IL1RAPL1: variants seen among roughly 807,000 people sequenced by gnomAD.
The protein encoded by IL1RAPL1 is interleukin-1 receptor accessory protein-like 1.
A neutral mutation model predicts 48.4 loss-of-function variants in IL1RAPL1; 3 were observed. The ratio of observed to expected loss-of-function variants is 0.06; its 90% CI spans 0.03 to 0.16. The LOEUF (loss-of-function observed/expected upper bound fraction) is 0.16, where lower values mean the gene tolerates loss of function less well. IL1RAPL1 is among the 10% of genes least tolerant of loss of function. The probability of loss-of-function intolerance (pLI) is 1.00; values close to 1 mark genes in which losing one functional copy is unlikely to be tolerated. For synonymous variants in IL1RAPL1, 185 were observed against 187.7 expected, an observed-to-expected ratio of 0.99 and a Z score of 0.12; for missense variants, 349 against 530.6, an observed-to-expected ratio of 0.66 and a Z score of 3.36.
At chrX:29,094,564 C>T (rs1334453220) in intron 2 of IL1RAPL1, among the ~76,000 whole-genome samples, 2 of 98,001 alleles carry the variant, frequency 2.0e-5, no homozygotes, top group Non-Finnish European at 4.1e-5. Flanking sequence ...TTGAGACCAG[C>T]CTGGCCAACA....
intron 5 of IL1RAPL1, among the ~76,000 whole-genome samples, chrX:29,555,955 C>T (rs1462316186): frequency 2.7e-5 from 3 of 112,141 alleles, no homozygotes; most frequent in African/African-American, 9.7e-5. Context: ...CATCAGAGAC[C>T]TTGCTTGGCT....
intron 2 of IL1RAPL1, among the ~76,000 whole-genome samples, chrX:29,082,866 G>T (rs1927873340): frequency 8.9e-6 from 1 of 111,986 alleles, no homozygotes; most frequent in Non-Finnish European, 1.9e-5. Context: ...TGAATTTTTA[G>T]AGCTTCATCA....
intron 1 of IL1RAPL1, among the ~76,000 whole-genome samples, chrX:28,672,837 C>G (rs1342008972): frequency 9.0e-6 from 1 of 111,106 alleles, no homozygotes; most frequent in African/African-American, 3.3e-5. Context: ...GGTACAAGTG[C>G]AGGTTTGTTA....
chrX:29,932,522 C>T (rs1932963727), intron 8 of IL1RAPL1, among the ~76,000 whole-genome samples: 1 of 112,027 alleles, frequency 8.9e-6, no homozygotes, highest in African/African-American at 3.2e-5. Flanking sequence ...TCACCTATCA[C>T]ATCACACATT....
At chrX:29,817,813 T>C (rs1394883328) in intron 6 of IL1RAPL1, among the ~76,000 whole-genome samples, 1 of 111,930 alleles carries the variant, frequency 8.9e-6, no homozygotes, top group African/African-American at 3.2e-5. Context: ...CCAGGTGTTT[T>C]TCTCTTCCTC....
intron 2 of IL1RAPL1, among the ~76,000 whole-genome samples, chrX:29,129,039 CTT>C (rs62772160): frequency 1.2e-3 from 72 of 62,352 alleles, no homozygotes; most frequent in South Asian, 2.5e-3. Context: ...TACCTAGAAT[CTT>C]TTTTTTTTTT....
intron 5 of IL1RAPL1, among the ~76,000 whole-genome samples, chrX:29,448,359 TAGG>T (rs1934635919): frequency 8.9e-6 from 1 of 112,006 alleles, no homozygotes; most frequent in African/African-American, 3.2e-5. Context: ...ACCTTCTTCC[TAGG>T]CAAACATATT....
chrX:29,158,642 G>T (rs1019944429), intron 2 of IL1RAPL1, among the ~76,000 whole-genome samples: 2 of 111,269 alleles, frequency 1.8e-5, no homozygotes, highest in Non-Finnish European at 3.8e-5. Flanking sequence ...CTCCCAAAGT[G>T]CTGGGATTAC....
intron 6 of IL1RAPL1, among the ~76,000 whole-genome samples, chrX:29,856,831 T>A (rs1426470037): frequency 8.9e-6 from 1 of 112,144 alleles, no homozygotes; most frequent in Admixed American, 9.5e-5. Context: ...GTAATATATA[T>A]GCATAAGTGT....
At chrX:29,602,255 T>G (rs774066949) in intron 5 of IL1RAPL1, among the ~76,000 whole-genome samples, 12 of 111,127 alleles carry the variant, frequency 1.1e-4, no homozygotes, top group Non-Finnish European at 2.1e-4. Flanking sequence ...AGTGCTGGGA[T>G]TACAGGTGCA....
At chrX:29,133,888 C>T (rs770123229) in intron 2 of IL1RAPL1, among the ~76,000 whole-genome samples, 8 of 111,708 alleles carry the variant, frequency 7.2e-5, no homozygotes, top group Non-Finnish European at 1.1e-4. Flanking sequence ...GATCTTTTTA[C>T]TGTCTCCATA....
chrX:29,073,233 A>G (rs776148614), intron 2 of IL1RAPL1, among the ~76,000 whole-genome samples: 1 of 112,219 alleles, frequency 8.9e-6, no homozygotes, highest in South Asian at 3.7e-4. Flanking sequence ...TCAGTAGATA[A>G]TAGAAATTAT....
At chrX:29,544,698 A>G (rs1921549381) in intron 5 of IL1RAPL1, among the ~76,000 whole-genome samples, 2 of 107,713 alleles carry the variant, frequency 1.9e-5, no homozygotes, top group African/African-American at 6.8e-5. Context: ...GCAGAAGCCT[A>G]CTAGTGTTTT....
chrX:28,769,273 T>C (rs962719905), intron 1 of IL1RAPL1, among the ~76,000 whole-genome samples: 1 of 110,720 alleles, frequency 9.0e-6, no homozygotes, highest in Non-Finnish European at 1.9e-5. Context: ...GAAAAAGTTA[T>C]AAGGAGTTTT....
At chrX:28,596,199 T>A (rs190313329) in intron 1 of IL1RAPL1, among the ~76,000 whole-genome samples, 1 of 112,007 alleles carries the variant, frequency 8.9e-6, no homozygotes, top group Admixed American at 9.5e-5. Flanking sequence ...AAACTCATGC[T>A]ACATTATACG....
At chrX:29,509,590 A>G (rs1935371766) in intron 5 of IL1RAPL1, among the ~76,000 whole-genome samples, 1 of 112,418 alleles carries the variant, frequency 8.9e-6, no homozygotes, top group Admixed American at 9.4e-5. Flanking sequence ...TATAAAACCC[A>G]GATGGAAAGT....
chrX:29,334,210 A>T (rs75993273), intron 3 of IL1RAPL1, among the ~76,000 whole-genome samples: 3 of 38,499 alleles, frequency 7.8e-5, no homozygotes, highest in Admixed American at 2.2e-4. Flanking sequence ...TGACCCCCCC[A>T]CCTCCCTCCC....
intron 1 of IL1RAPL1, among the ~76,000 whole-genome samples, chrX:28,688,973 C>T (rs1935144586): frequency 3.6e-5 from 4 of 110,995 alleles, no homozygotes; most frequent in African/African-American, 1.3e-4. Flanking sequence ...ATGTGAACCA[C>T]GTTCTAGCCA....
At chrX:29,243,585 C>G (rs1440357391) in intron 2 of IL1RAPL1, among the ~76,000 whole-genome samples, 1 of 112,342 alleles carries the variant, frequency 8.9e-6, no homozygotes. Flanking sequence ...CACCTACATT[C>G]TTAGAACAGA....
Sources: allele counts gnomAD v4.1 joint callset (sites outside exome capture counted in the v4.1 genomes callset), GRCh38; gene constraint gnomAD v4.1.1; transcripts MANE v1.5; gene names NCBI Gene and HGNC (gene_info 2026-07-23, HGNC 2026-07-21).